MBNL1: variants seen among roughly 807,000 people sequenced by gnomAD.
The protein encoded by MBNL1 is muscleblind-like protein 1.
MBNL1 carries 8 observed loss-of-function variants against 42.2 expected under a neutral mutation model. The observed-to-expected ratio is 0.19, with a 90% CI of 0.11 to 0.34. MBNL1 has a LOEUF of 0.34. MBNL1 is among the 10% of genes least tolerant of loss of function. MBNL1 has a pLI of 1.00. For missense variants in MBNL1, 309 were observed against 495.3 expected (o/e 0.62, Z 3.57); for synonymous variants, 169 against 173.9 (o/e 0.97, Z 0.22).
chr3:152,410,340 A>G (rs1335684282), intron 2 of MBNL1, among the ~76,000 whole-genome samples: 1 of 152,208 alleles, frequency 6.6e-6, no homozygotes, highest in Non-Finnish European at 1.5e-5. Flanking sequence ...TTACTCGATG[A>G]ATTTATTGAA....
At chr3:152,249,430 C>G (rs2034027443) in intron 2 of MBNL1, among the ~76,000 whole-genome samples, 1 of 114,370 alleles carries the variant, frequency 8.7e-6, no homozygotes, top group Non-Finnish European at 2.0e-5. Flanking sequence ...TGAGAAGTGT[C>G]TGTTCATATC....
intron 2 of MBNL1, among the ~76,000 whole-genome samples, chr3:152,345,538 A>G (rs2094103720): frequency 6.6e-6 from 1 of 152,210 alleles, no homozygotes; most frequent in Admixed American, 6.6e-5. Context: ...TGCAATTTAA[A>G]AAATTACACA....
chr3:152,278,635 A>C (rs1221251685), intron 1 of MBNL1, among the ~76,000 whole-genome samples: 1 of 152,114 alleles, frequency 6.6e-6, no homozygotes, highest in Non-Finnish European at 1.5e-5. Context: ...GGAGCAATTA[A>C]TTTAGGAAGA....
At chr3:152,442,593 A>G (rs1024457384) in intron 4 of MBNL1, among the ~76,000 whole-genome samples, 6 of 152,236 alleles carry the variant, frequency 3.9e-5, no homozygotes, top group African/African-American at 1.4e-4. Context: ...GTTATAATTT[A>G]CTAATGTAAT....
intron 1 of MBNL1, among the ~76,000 whole-genome samples, chr3:152,272,449 A>C (rs564346984): frequency 9.7e-4 from 148 of 152,154 alleles, no homozygotes; most frequent in Non-Finnish European, 1.8e-3. Context: ...TGTAGTTATC[A>C]TTGTCCTGAA....
intron 4 of MBNL1, among the ~76,000 whole-genome samples, chr3:152,443,709 T>C (rs2099178256): frequency 6.6e-6 from 1 of 152,164 alleles, no homozygotes; most frequent in African/African-American, 2.4e-5. Flanking sequence ...ATCTTGGTAA[T>C]ACTTTTTTTC....
rs1414266597 is a variant in MBNL1, at chr3:152,464,956, G to A, written c.*2590G>A. The stretch of plus-strand genomic sequence containing the variant: ...AAATTGCTTGCAAAAGTGGCACAGA[G>A]TTAGCACTCCATACCCCTTCAAACA... On this transcript the variant is annotated 3_prime_UTR_variant, in exon 10 of 10. Coordinates refer to ENST00000324210, the MANE Select transcript of MBNL1 (RefSeq NM_021038.5). The A allele has an allele frequency of 6.6e-6, 1 of 152,606 alleles. No homozygotes were observed. The highest frequency in any genetic ancestry group is 6.5e-5 in the Admixed American group (1 of 15,270). The allele number at this position is 152,606 out of a possible 1,614,324, so 9.5% of individuals were successfully genotyped here.
At chr3:152,307,547 T>C (rs1385796993) in intron 2 of MBNL1, among the ~76,000 whole-genome samples, 1 of 152,228 alleles carries the variant, frequency 6.6e-6, no homozygotes, top group Admixed American at 6.5e-5. Context: ...TAGTATTTTG[T>C]CCCTATAAAA....
At position 152,437,966 on chromosome 3, in the gene MBNL1, G is replaced by A. The variant is rs557509757; in HGVS notation, c.549+5046G>A. ...TTTTTGTATTTTCAGTGGAGATGGG[G>A]TTTCACCATGTTTGCCAGGCTGGTC... is the stretch of plus-strand genomic sequence containing the variant. On this transcript the variant is annotated intron_variant, in intron 4 of 9. Coordinates refer to ENST00000324210, the MANE Select transcript of MBNL1 (RefSeq NM_021038.5). 2.2e-4 allele frequency among the ~76,000 whole-genome samples: 33 copies of A among 152,056 alleles called. No homozygotes were observed. The South Asian group carries it at 5.8e-3, about 27-fold the overall frequency.
chr3:152,273,342 A>T (rs2043014817), intron 1 of MBNL1, among the ~76,000 whole-genome samples: 1 of 151,938 alleles, frequency 6.6e-6, no homozygotes, highest in Non-Finnish European at 1.5e-5. Flanking sequence ...ACGTTTATAT[A>T]AGCATTACAG....
chr3:152,269,313 C>T (rs1324730157), intron 1 of MBNL1: 1 of 348,234 alleles, frequency 2.9e-6, no homozygotes, highest in Non-Finnish European at 5.7e-6. Context: ...CCTTCCCTGC[C>T]GCGGGCTCTG....
intron 3 of MBNL1, among the ~76,000 whole-genome samples, chr3:152,424,364 G>A (rs1258357474): frequency 3.3e-5 from 5 of 152,002 alleles, no homozygotes; most frequent in Non-Finnish European, 7.4e-5. Flanking sequence ...TATAATTTAC[G>A]AGAGATATGA....
At chr3:152,297,787 G>T (rs2151380700) in intron 1 of MBNL1, among the ~76,000 whole-genome samples, 1 of 152,116 alleles carries the variant, frequency 6.6e-6, no homozygotes, top group South Asian at 2.1e-4. Context: ...CTCCTGAGTA[G>T]CTGGGATTAT....
At chr3:152,244,988 TTGTAG>T (rs2032565283) in intron 2 of MBNL1, among the ~76,000 whole-genome samples, 2 of 152,138 alleles carry the variant, frequency 1.3e-5, no homozygotes. Flanking sequence ...AAAAATTAAT[TTGTAG>T]TGTAGACAGC....
At chr3:152,308,841 C>CA (rs755017261) in intron 2 of MBNL1, among the ~76,000 whole-genome samples, 5 of 149,730 alleles carry the variant, frequency 3.3e-5, no homozygotes, top group Non-Finnish European at 7.4e-5. Context: ...GGCATTTTAT[C>CA]ATAGGATATG....
At chr3:152,453,906 A>G (rs975087252) in intron 6 of MBNL1, among the ~76,000 whole-genome samples, 50 of 152,208 alleles carry the variant, frequency 3.3e-4, no homozygotes, top group Admixed American at 1.4e-3. Flanking sequence ...AACCTGTACA[A>G]TATTTAAACT....
intron 1 of MBNL1, 124 bp from the exon 2 acceptor site, chr3:152,299,281 G>GGA (rs143861934): frequency 1.0e-4 from 16 of 157,992 alleles, no homozygotes; most frequent in Non-Finnish European, 1.9e-4. Context: ...TGTATGTGTG[G>GGA]GAGAGAGAGA....
chr3:152,353,671 C>T (rs1213819793), intron 2 of MBNL1, among the ~76,000 whole-genome samples: 40 of 116,434 alleles, frequency 3.4e-4, no homozygotes, highest in South Asian at 5.8e-4. Flanking sequence ...TCAACAAATC[C>T]TTTTTTTTTT....
intron 2 of MBNL1, among the ~76,000 whole-genome samples, chr3:152,392,507 T>C (rs1041876782): frequency 2.0e-5 from 3 of 152,350 alleles, no homozygotes; most frequent in African/African-American, 7.2e-5. Flanking sequence ...CCTCTTTGAA[T>C]AAACTGCTAT....
Sources: gnomAD v4.1 joint callset for allele counts (sites outside exome capture counted in the v4.1 genomes callset) on GRCh38, gnomAD v4.1.1 for gene constraint, MANE v1.5 for transcripts, NCBI Gene and HGNC (gene_info 2026-07-23, HGNC 2026-07-21) for gene names.